DNAH7: variants seen among roughly 807,000 people sequenced by gnomAD.
DNAH7 encodes axonemal beta dynein heavy chain 7.
In DNAH7, 397 loss-of-function variants were observed where a neutral mutation model predicts 444.6. The observed-to-expected ratio is 0.89, with a 90% CI of 0.82 to 0.97. DNAH7 has a LOEUF of 0.97. DNAH7 is among the 50% of genes least tolerant of loss of function. DNAH7 has a pLI of 0.00. For missense variants in DNAH7, 4,902 were observed against 4,800.8 expected, an observed-to-expected ratio of 1.02 and a Z score of -0.62; for synonymous variants, 1,636 against 1,624.4, an observed-to-expected ratio of 1.01 and a Z score of -0.17.
intron 1 of DNAH7, among the ~76,000 whole-genome samples, chr2:196,060,655 C>A (rs1698085397): frequency 6.6e-6 from 1 of 152,156 alleles, no homozygotes; most frequent in South Asian, 2.1e-4. Context: ...ATCCTATATT[C>A]CCTCTAGCAA....
At chr2:196,028,086 G>C in intron 5 of DNAH7, 39 bp from the exon 6 acceptor site, 2 of 1,541,192 alleles carry the variant, frequency 1.3e-6, no homozygotes, top group Non-Finnish European at 1.8e-6. Flanking sequence ...AAGTAGATAA[G>C]GGGCAGTTAG....
chr2:195,927,194 T>C (rs1688389485), intron 21 of DNAH7, among the ~76,000 whole-genome samples: 1 of 152,182 alleles, frequency 6.6e-6, no homozygotes. Context: ...GGTGGACTGA[T>C]ACATCTACTT....
At chr2:195,818,879 TTAA>T (rs1559119058) in intron 49 of DNAH7, among the ~76,000 whole-genome samples, 1 of 152,316 alleles carries the variant, frequency 6.6e-6, no homozygotes, top group East Asian at 1.9e-4. Context: ...ATGTCTTTTT[TTAA>T]TAATAAAGAT....
intron 21 of DNAH7, among the ~76,000 whole-genome samples, chr2:195,932,759 G>A (rs1264230607): frequency 6.6e-6 from 1 of 152,134 alleles, no homozygotes; most frequent in Non-Finnish European, 1.5e-5. Context: ...TTGCATCCCA[G>A]GGATGAAGCC....
chr2:195,920,631 G>T (rs1338663924), intron 24 of DNAH7, among the ~76,000 whole-genome samples: 1 of 152,116 alleles, frequency 6.6e-6, no homozygotes, highest in Non-Finnish European at 1.5e-5. Context: ...AGCTAACATT[G>T]GAAAAATCCT....
chr2:195,811,410 G>A (rs1046422508), intron 51 of DNAH7, among the ~76,000 whole-genome samples: 1 of 152,148 alleles, frequency 6.6e-6, no homozygotes, highest in Non-Finnish European at 1.5e-5. Context: ...GATTGCAGTG[G>A]TATGATCATA....
At chr2:195,934,512 T>G in intron 21 of DNAH7, 79 bp downstream of exon 21, 1 of 1,423,608 alleles carries the variant, frequency 7.0e-7, no homozygotes, top group Non-Finnish European at 9.8e-7. Context: ...TAAATAACAG[T>G]ACATTTATCA....
intron 38 of DNAH7, among the ~76,000 whole-genome samples, chr2:195,874,600 T>TAA (rs35476343): frequency 0.048 from 6,725 of 140,766 alleles, 403 homozygotes; most frequent in East Asian, 0.27. Flanking sequence ...GTCTTTTATT[T>TAA]AAAAAAAAAA....
At chr2:195,856,613 T>C (rs1019524982) in intron 44 of DNAH7, among the ~76,000 whole-genome samples, 4 of 152,202 alleles carry the variant, frequency 2.6e-5, no homozygotes, top group Admixed American at 2.6e-4. Flanking sequence ...CTATGACAGT[T>C]GTTTTTTGAA....
intron 5 of DNAH7, among the ~76,000 whole-genome samples, chr2:196,037,743 C>A (rs1294263463): frequency 6.6e-6 from 1 of 152,044 alleles, no homozygotes; most frequent in African/African-American, 2.4e-5. Context: ...ATATGGGATA[C>A]CATCAAGCAA....
intron 21 of DNAH7, 55 bp downstream of exon 21, chr2:195,934,536 A>G (rs181561154): frequency 2.6e-6 from 4 of 1,520,546 alleles, no homozygotes; most frequent in Non-Finnish European, 3.6e-6. Flanking sequence ...GAATATTTCT[A>G]ATAACATTCA....
intron 35 of DNAH7, among the ~76,000 whole-genome samples, chr2:195,882,805 C>A (rs899068572): frequency 1.3e-5 from 2 of 151,930 alleles, no homozygotes; most frequent in Non-Finnish European, 2.9e-5. Context: ...CCTTCCTTCA[C>A]AACCAGGCCT....
chr2:196,039,663 G>T (rs1696614394), intron 5 of DNAH7, among the ~76,000 whole-genome samples: 2 of 151,820 alleles, frequency 1.3e-5, no homozygotes, highest in African/African-American at 4.8e-5. Context: ...GCTGGGGGTG[G>T]AGGTGTGTTC....
chr2:195,953,839 C>A (rs937695453), intron 19 of DNAH7, among the ~76,000 whole-genome samples: 1 of 152,178 alleles, frequency 6.6e-6, no homozygotes, highest in Non-Finnish European at 1.5e-5. Context: ...AAGGCAATAA[C>A]CTGATGTACC....
chr2:195,857,779 T>A, intron 43 of DNAH7, 56 bp from the exon 44 acceptor site: 2 of 1,412,552 alleles, frequency 1.4e-6, no homozygotes, highest in Non-Finnish European at 1.9e-6. Flanking sequence ...ACAGTAATTG[T>A]AAGTGGTTCC....
chr2:196,039,870 G>A (rs1696635802), intron 5 of DNAH7, among the ~76,000 whole-genome samples: 1 of 149,704 alleles, frequency 6.7e-6, no homozygotes, highest in Non-Finnish European at 1.5e-5. Flanking sequence ...CCACTAACTA[G>A]ACTAAGAAAA....
At chr2:195,908,389 A>G (rs1687164117) in intron 25 of DNAH7, among the ~76,000 whole-genome samples, 1 of 151,916 alleles carries the variant, frequency 6.6e-6, no homozygotes, top group African/African-American at 2.4e-5. Context: ...ATGGTATCCA[A>G]CACCTGCATA....
intron 5 of DNAH7, among the ~76,000 whole-genome samples, chr2:196,042,270 T>G (rs887449631): frequency 6.6e-6 from 1 of 151,970 alleles, no homozygotes; most frequent in Admixed American, 6.6e-5. Context: ...AGAAAATAAG[T>G]ATATCAAAGA....
At chr2:195,738,820 C>G (rs1405794482) in intron 64 of DNAH7, among the ~76,000 whole-genome samples, 1 of 152,102 alleles carries the variant, frequency 6.6e-6, no homozygotes, top group Non-Finnish European at 1.5e-5. Context: ...TAATAGCAAT[C>G]CTCGAGATGA....
Sources: allele counts gnomAD v4.1 joint callset (sites outside exome capture counted in the v4.1 genomes callset), GRCh38; gene constraint gnomAD v4.1.1; transcripts MANE v1.5; gene names NCBI Gene and HGNC (gene_info 2026-07-23, HGNC 2026-07-21).